Variants in RAB38 observed in about 807,000 individuals in gnomAD.
RAB38 encodes ras-related protein Rab-38.
A neutral mutation model predicts 18.4 loss-of-function variants in RAB38; 15 were observed. The ratio of observed to expected loss-of-function variants is 0.82; its 90% confidence interval spans 0.55 to 1.26. The LOEUF is 1.26. Among genes scored for constraint, RAB38 ranks in the 50% most tolerant of loss-of-function variants. RAB38 has a pLI of 0.00. For synonymous variants in RAB38, 101 were observed against 104.4 expected, an observed-to-expected ratio of 0.97 and a Z score of 0.20; for missense variants, 294 against 267.4, an observed-to-expected ratio of 1.10 and a Z score of -0.69.
the RAB38 span, among the ~76,000 whole-genome samples, chr11:88,052,799 C>T: frequency 4.0e-5 from 6 of 149,066 alleles, no homozygotes; most frequent in Non-Finnish European, 7.4e-5. Context: ...AGTCTCTTTA[C>T]TTGCTGGGCA....
intron 2 of RAB38, chr11:88,115,924 A>AGGGT (rs1221398696): frequency 6.6e-6 from 1 of 152,222 alleles, no homozygotes; most frequent in East Asian, 1.9e-4. Context: ...TGTTGGGGTA[A>AGGGT]GGGTGGGGAT....
the RAB38 span, among the ~76,000 whole-genome samples, chr11:87,814,712 T>G: frequency 1.3e-5 from 2 of 152,224 alleles, no homozygotes; most frequent in African/African-American, 4.8e-5. Context: ...GCAGTTTCAT[T>G]TAAGTAGCTT....
the RAB38 span, among the ~76,000 whole-genome samples, chr11:87,818,702 A>C: frequency 6.6e-6 from 1 of 152,162 alleles, no homozygotes; most frequent in African/African-American, 2.4e-5. Context: ...TTTTTAAAAA[A>C]ATTTATTTTC....
chr11:87,834,658 T>G, the RAB38 span, among the ~76,000 whole-genome samples: 48 of 152,298 alleles, frequency 3.2e-4, no homozygotes, highest in African/African-American at 1.1e-3. Flanking sequence ...AAGTTCTTTG[T>G]TAAATATATT....
chr11:88,142,224 G>T (rs1445152356), intron 2 of RAB38, among the ~76,000 whole-genome samples: 1 of 152,190 alleles, frequency 6.6e-6, no homozygotes, highest in Non-Finnish European at 1.5e-5. Flanking sequence ...ATAGCTAGGG[G>T]TCAGAATCAT....
chr11:88,120,783 A>G (rs35294611), intron 2 of RAB38, among the ~76,000 whole-genome samples: 5,980 of 152,092 alleles, frequency 0.039, 414 homozygotes, highest in African/African-American at 0.14. Flanking sequence ...CTAGAGCCTT[A>G]TACCTCCTAG....
At chr11:88,033,580 T>C in the RAB38 span, among the ~76,000 whole-genome samples, 1 of 152,104 alleles carries the variant, frequency 6.6e-6, no homozygotes, top group African/African-American at 2.4e-5. Context: ...AAAATTGATA[T>C]TGAAGTAATC....
the RAB38 span, among the ~76,000 whole-genome samples, chr11:88,029,312 C>T: frequency 6.6e-6 from 1 of 151,668 alleles, no homozygotes; most frequent in Non-Finnish European, 1.5e-5. Context: ...TAGGAAGAAA[C>T]TGCATCAACT....
At chr11:88,093,021 G>A in the RAB38 span, among the ~76,000 whole-genome samples, 1 of 151,834 alleles carries the variant, frequency 6.6e-6, no homozygotes, top group South Asian at 2.1e-4. Context: ...TCATTGTCAC[G>A]ATGGTTGACC....
At chr11:88,048,897 C>T in the RAB38 span, among the ~76,000 whole-genome samples, 1 of 152,142 alleles carries the variant, frequency 6.6e-6, no homozygotes, top group Non-Finnish European at 1.5e-5. Flanking sequence ...GTCCTAGGTC[C>T]TCCCAATTCT....
At chr11:87,873,900 A>ATG in the RAB38 span, among the ~76,000 whole-genome samples, 31 of 91,376 alleles carry the variant, frequency 3.4e-4, no homozygotes, top group African/African-American at 1.4e-3. Flanking sequence ...GTGTATATAT[A>ATG]TATATATATG....
At chr11:87,839,987 G>A in the RAB38 span, among the ~76,000 whole-genome samples, 2 of 152,146 alleles carry the variant, frequency 1.3e-5, no homozygotes, top group Non-Finnish European at 2.9e-5. Context: ...AAAAGAACAA[G>A]ACTAGATCTC....
At chr11:87,948,010 A>ATTCT in the RAB38 span, among the ~76,000 whole-genome samples, 1 of 152,084 alleles carries the variant, frequency 6.6e-6, no homozygotes, top group Non-Finnish European at 1.5e-5. Flanking sequence ...CATGATATTG[A>ATTCT]TTCTTTGTAC....
the RAB38 span, among the ~76,000 whole-genome samples, chr11:87,954,636 A>AAGTGACCACACACCATCAAG: frequency 6.6e-6 from 1 of 152,086 alleles, no homozygotes; most frequent in Middle Eastern, 3.4e-3. Context: ...AGCTTTCAGG[A>AAGTGACCACACACCATCAAG]AGTGACCACA....
At chr11:88,022,618 A>AAAAAC in the RAB38 span, among the ~76,000 whole-genome samples, 1 of 149,346 alleles carries the variant, frequency 6.7e-6, no homozygotes, top group Admixed American at 6.6e-5. Context: ...CCACAAAAAA[A>AAAAAC]AAAAAAAAAA....
At chr11:87,974,236 G>A in the RAB38 span, among the ~76,000 whole-genome samples, 1 of 151,718 alleles carries the variant, frequency 6.6e-6, no homozygotes, top group Non-Finnish European at 1.5e-5. Flanking sequence ...ACTTATGGAA[G>A]CTACAATGAG....
the RAB38 span, among the ~76,000 whole-genome samples, chr11:88,037,527 CAT>C: frequency 2.0e-5 from 3 of 152,088 alleles, no homozygotes; most frequent in African/African-American, 7.2e-5. Context: ...ATAATCAAGA[CAT>C]AGAACATTCT....
At chr11:87,892,103 C>G in the RAB38 span, among the ~76,000 whole-genome samples, 1 of 151,844 alleles carries the variant, frequency 6.6e-6, no homozygotes, top group African/African-American at 2.4e-5. Context: ...TAGAAATGGG[C>G]ATGGAAGAGA....
the RAB38 span, among the ~76,000 whole-genome samples, chr11:88,016,952 G>T: frequency 2.3e-4 from 35 of 152,132 alleles, no homozygotes; most frequent in African/African-American, 8.2e-4. Flanking sequence ...AAGCAGACTT[G>T]CAAACCAACA....
Sources: allele counts gnomAD v4.1 joint callset (sites outside exome capture counted in the v4.1 genomes callset), GRCh38; gene constraint gnomAD v4.1.1; transcripts MANE v1.5; gene names NCBI Gene and HGNC (gene_info 2026-07-23, HGNC 2026-07-21).